The following IFT172 variants were observed in gnomAD, a reference collection of about 807,000 sequenced individuals.
IFT172 encodes intraflagellar transport protein 172 homolog.
In IFT172, 164 loss-of-function variants were observed where a neutral mutation model predicts 248.9. The ratio of observed to expected loss-of-function variants is 0.66; its 90% CI spans 0.58 to 0.75. The LOEUF (loss-of-function observed/expected upper bound fraction) is 0.75. Among genes scored for constraint, IFT172 ranks in the 30% least tolerant of loss-of-function variants. The pLI, the probability that IFT172 is intolerant of heterozygous loss-of-function variation, is 0.00. For missense variants in IFT172, 1,950 were observed against 2,192.4 expected (o/e 0.89, Z 2.21); for synonymous variants, 729 against 791.6 (o/e 0.92, Z 1.33).
chr2:27,453,571 G>T, intron 34 of IFT172, 58 bp from the exon 35 acceptor site: 1 of 1,609,228 alleles, frequency 6.2e-7, no homozygotes, highest in Non-Finnish European at 8.5e-7. Flanking sequence ...GCTCTATCCT[G>T]TGTATGCCTC....
rs1474681289 is a variant in IFT172, at chr2:27,446,308, C to A, written c.4707G>T (p.Gln1569His). 6 of 1,614,244 alleles carry A rather than the reference C, an allele frequency of 3.7e-6. No homozygotes were observed. Among genetic ancestry groups the A allele is most frequent in the Non-Finnish European group, 5.1e-6 (6 of 1,180,050 alleles). ...RLSVSLLRHTQLLPVDKAFYE... is the reference protein window; with the variant it reads ...RLSVSLLRHTHLLPVDKAFYE... ...AGAAGGCTTTGTCTACAGGTAGTAG[C>A]TGGGTGTGACGCAAGAGTGAAACAG... The change falls in exon 43 of 48, where the codon CAG (glutamine) becomes CAT (histidine). Residue 1569 changes from glutamine (Q) to histidine (H), a missense_variant. Coordinates refer to ENST00000260570, the MANE Select transcript of IFT172 (RefSeq NM_015662.3).
intron 16 of IFT172, among the ~76,000 whole-genome samples, chr2:27,468,862 G>GAAAAAAAAAAAAAAAAAAAAAAAAAAAA (rs76677863): frequency 1.6e-5 from 2 of 127,926 alleles, no homozygotes; most frequent in African/African-American, 2.9e-5. Flanking sequence ...AAAAAAAAAA[G>GAAAAAAAAAAAAAAAAAAAAAAAAAAAA]AAAAAAAAAA....
At chr2:27,455,742 T>G (rs1366647307) in intron 30 of IFT172, 1 of 413,144 alleles carries the variant, frequency 2.4e-6, no homozygotes, top group African/African-American at 2.1e-5. Flanking sequence ...AATGGCAGAA[T>G]AATCTGCTCC....
chr2:27,479,400 G>T, intron 10 of IFT172, 109 bp downstream of exon 10: 2 of 716,232 alleles, frequency 2.8e-6, no homozygotes, highest in East Asian at 2.6e-5. Flanking sequence ...CTCTTCCAGA[G>T]GGATGAAGAT....
chr2:27,465,519 C>T lies in IFT172; in HGVS notation c.1830-1G>A. ...CAGAGTCTCTAAGAAGGCTGTTGCC[C>T]TGGAAAGGGAAGGAAGCAAAGCATA... On this transcript the variant is annotated splice_acceptor_variant, in intron 17 of 47. Coordinates refer to ENST00000260570, the MANE Select transcript of IFT172 (RefSeq NM_015662.3). LOFTEE classifies it high-confidence loss of function. 1 of 1,613,878 alleles carries T rather than the reference C, an allele frequency of 6.2e-7. No individual in the cohort carries two copies.
chr2:27,463,208 T>C, intron 18 of IFT172, 27 bp from the exon 19 acceptor site: 1 of 1,580,862 alleles, frequency 6.3e-7, no homozygotes, highest in Non-Finnish European at 8.7e-7. Flanking sequence ...ATAACATTAA[T>C]AGTAATATTA....
intron 16 of IFT172, among the ~76,000 whole-genome samples, chr2:27,467,359 G>C (rs1337347367): frequency 1.5e-5 from 2 of 129,404 alleles, no homozygotes; most frequent in Non-Finnish European, 3.1e-5. Flanking sequence ...GACTGCTTGA[G>C]CCCAGGAGTT....
intron 15 of IFT172, among the ~76,000 whole-genome samples, chr2:27,471,516 C>T (rs900143777): frequency 3.9e-5 from 6 of 152,108 alleles, no homozygotes; most frequent in Non-Finnish European, 8.8e-5. Flanking sequence ...GGATGAGAAT[C>T]AATGAGGGAC....
At chr2:27,447,381 G>A in intron 42 of IFT172, 134 bp downstream of exon 42, 1 of 1,334,774 alleles carries the variant, frequency 7.5e-7, no homozygotes, top group Non-Finnish European at 1.0e-6. Context: ...TGTTTAGACA[G>A]AAGAGAAGCT....
intron 10 of IFT172, 75 bp from the exon 11 acceptor site, chr2:27,478,231 C>T (rs528329791): frequency 6.4e-7 from 1 of 1,572,530 alleles, no homozygotes; most frequent in Admixed American, 1.7e-5. Context: ...GACCTTTGCC[C>T]ACCTCCACAG....
intron 9 of IFT172, 57 bp downstream of exon 9, chr2:27,479,969 A>AT: frequency 5.7e-6 from 9 of 1,581,630 alleles, no homozygotes; most frequent in Non-Finnish European, 6.0e-6. Flanking sequence ...ATAAGGCAGG[A>AT]TTTTTTTCTA....
chr2:27,457,769 A>C lies in IFT172; in HGVS notation c.3112-14T>G, dbSNP rs1196353630. The stretch of plus-strand genomic sequence containing the variant: ...AGCCTCCAGCTCCTGCAGGAAGGTG[A>C]GTCAGGATGGAGAGATGGGGAGATG... On this transcript the variant is annotated splice_polypyrimidine_tract_variant and intron_variant, in intron 28 of 47. Transcript: ENST00000260570. 1.2e-6 allele frequency: 2 copies of C among 1,613,918 alleles called. No individual in the cohort carries two copies. Among genetic ancestry groups the C allele is most frequent in the Admixed American group, 1.7e-5 (1 of 59,994 alleles).
intron 35 of IFT172, among the ~76,000 whole-genome samples, chr2:27,451,395 T>C (rs1236295330): frequency 6.6e-6 from 1 of 152,200 alleles, no homozygotes; most frequent in Non-Finnish European, 1.5e-5. Flanking sequence ...TAAAATCTGC[T>C]AGAACCTCAA....
Position 27,458,776 on chromosome 2 carries a change from T to G in IFT172, c.2877+3A>C. On this transcript the variant is annotated splice_donor_region_variant and intron_variant, in intron 26 of 47. Transcript: ENST00000260570. ...TCTTATCATGAACTCCACCCATCCC[T>G]ACCTTGTGGGCTTGTTCCCAACGAC... 1.2e-6 allele frequency: 2 copies of G among 1,613,976 alleles called. No homozygotes were observed. Among genetic ancestry groups the G allele is most frequent in the Non-Finnish European group, 1.7e-6 (2 of 1,179,956 alleles).
chr2:27,456,333 G>A (rs1666160919), intron 30 of IFT172, among the ~76,000 whole-genome samples, 178 bp downstream of exon 30: 1 of 152,186 alleles, frequency 6.6e-6, no homozygotes, highest in African/African-American at 2.4e-5. Flanking sequence ...ACCCTTCTTA[G>A]AACAGCCAAA....
chr2:27,454,487 G>A lies in IFT172; in HGVS notation c.3466-69C>T. The A allele has an allele frequency of 6.2e-7, 1 of 1,611,492 alleles. No individual in the cohort carries two copies. Among genetic ancestry groups the A allele is most frequent in the Non-Finnish European group, 8.5e-7 (1 of 1,177,742 alleles). On this transcript the variant is annotated intron_variant, in intron 31 of 47. Transcript: ENST00000260570. This position sits in a 1 kb window ranked among gnomAD's most constrained non-coding sequence, Gnocchi z 4.2. The stretch of plus-strand genomic sequence containing the variant: ...GGCATCACAGGCAGGCATGAGACTG[G>A]GGGTCTGCACACCCAGCAGCAGTGC...
chr2:27,485,380 T>C lies in IFT172; in HGVS notation c.163A>G (p.Thr55Ala). 3 of 1,614,134 alleles carry C rather than the reference T, an allele frequency of 1.9e-6. No homozygotes were observed. The highest frequency in any genetic ancestry group is 2.5e-6 in the Non-Finnish European group (3 of 1,180,044). ...EHGERRDKFS[T>A]KPADMKYGRK... ...TTTACCTTCATGTCAGCTGGTTTGG[T>C]GGAGAATTTATCTCTCCGTTCTCCA... is the stretch of plus-strand genomic sequence containing the variant. The change falls in exon 2 of 48, where the codon ACC becomes GCC. Residue 55 changes from threonine to alanine, a missense_variant. Around this residue, in one of 3 missense-constraint regions of IFT172, gnomAD observed 1,166 missense variants for 1,254.1 expected, o/e 0.93. Transcript: ENST00000260570.
At chr2:27,474,731 TG>T in intron 14 of IFT172, among the ~76,000 whole-genome samples, 1 of 152,262 alleles carries the variant, frequency 6.6e-6, no homozygotes, top group Non-Finnish European at 1.5e-5. Flanking sequence ...TTTGTATTTT[TG>T]GTAGAGACGG....
At position 27,463,156 on chromosome 2, in the gene IFT172, C is replaced by T. The variant is rs748624846; in HGVS notation, c.1963G>A (p.Ala655Thr). The T allele has an allele frequency of 6.2e-7, 1 of 1,614,118 alleles. No individual in the cohort carries two copies. The highest frequency in any genetic ancestry group is 8.5e-7 in the Non-Finnish European group (1 of 1,180,028). Residue 655 changes from alanine to threonine, a missense_variant, in exon 19 of 48, where the codon GCA (alanine) becomes ACA (threonine). Around this residue, in one of 3 missense-constraint regions of IFT172, gnomAD observed 1,166 missense variants for 1,254.1 expected, o/e 0.93. Transcript: ENST00000260570. ...GTCTCATGCAGGAATCGAGCTTTTG[C>T]TACTTGGCCCAAAGCAGAAAAGCAC... is the stretch of plus-strand genomic sequence containing the variant. ...ERCFSALGQV[A>T]KARFLHETNE...
Sources: allele counts gnomAD v4.1 joint callset (sites outside exome capture counted in the v4.1 genomes callset), GRCh38; gene constraint gnomAD v4.1.1; regional missense constraint gnomAD v4.1.1; non-coding constraint Gnocchi (gnomAD v3.1); transcripts MANE v1.5; gene names NCBI Gene and HGNC (gene_info 2026-07-23, HGNC 2026-07-21).